NXN: variants seen among roughly 807,000 people sequenced by gnomAD.
NXN encodes the protein nucleoredoxin 1.
A neutral mutation model predicts 48.6 loss-of-function variants in NXN; 16 were observed. The ratio of observed to expected loss-of-function variants is 0.33; its 90% CI spans 0.22 to 0.50. NXN has a LOEUF of 0.50. Among genes scored for constraint, NXN ranks in the 20% least tolerant of loss-of-function variants. The pLI, the probability that NXN is intolerant of heterozygous loss-of-function variation, is 0.98. For missense variants in NXN, 492 were observed against 605.5 expected (o/e 0.81, Z 1.97); for synonymous variants, 281 against 269.6 (o/e 1.04, Z -0.41).
At chr17:947,674 A>C (rs1416087296) in intron 1 of NXN, among the ~76,000 whole-genome samples, 2 of 145,532 alleles carry the variant, frequency 1.4e-5, no homozygotes, top group Admixed American at 1.4e-4. Context: ...CAGGGGTTGC[A>C]GTGAGCCGAG....
chr17:878,144 G>A (rs1005311846), intron 1 of NXN: 3 of 152,140 alleles, frequency 2.0e-5, no homozygotes, highest in African/African-American at 7.2e-5. Context: ...CGTGGGGGCA[G>A]GCTTCTGAGA....
chr17:901,904 T>C (rs543577653), intron 1 of NXN, among the ~76,000 whole-genome samples: 15 of 152,242 alleles, frequency 9.9e-5, no homozygotes, highest in African/African-American at 3.4e-4. Flanking sequence ...TTCGCCATGA[T>C]GGCCAGGCTG....
At chr17:912,818 G>C (rs1354472378) in intron 1 of NXN, among the ~76,000 whole-genome samples, 1 of 152,092 alleles carries the variant, frequency 6.6e-6, no homozygotes, top group Non-Finnish European at 1.5e-5. Flanking sequence ...GCCGGGCGTG[G>C]TGGTACGTGT....
At chr17:864,012 T>C in intron 1 of NXN, 23 of 1,535,168 alleles carry the variant, frequency 1.5e-5, no homozygotes, top group Non-Finnish European at 2.0e-5. Context: ...AGGACACAGT[T>C]ACCGTTGCTG....
chr17:870,723 C>CA (rs1435890848), intron 1 of NXN, among the ~76,000 whole-genome samples: 1 of 149,940 alleles, frequency 6.7e-6, no homozygotes, highest in Admixed American at 6.7e-5. Context: ...CTACTGTATT[C>CA]AAGCCTGGGC....
intron 5 of NXN, among the ~76,000 whole-genome samples, chr17:814,782 TAGGG>T (rs1319719845): frequency 4.7e-5 from 7 of 150,116 alleles, no homozygotes; most frequent in East Asian, 2.1e-4. Flanking sequence ...TCCCAGCACT[TAGGG>T]AGGAATTTCA....
At chr17:848,048 G>C (rs1275544968) in intron 1 of NXN, among the ~76,000 whole-genome samples, 2 of 152,150 alleles carry the variant, frequency 1.3e-5, no homozygotes, top group Admixed American at 6.5e-5. Context: ...GAAACACTAC[G>C]AATTAAGCAG....
Position 800,753 on chromosome 17 carries a change from G to T in NXN, c.*196C>A, listed in dbSNP as rs1349140807. On this transcript the variant is annotated 3_prime_UTR_variant, in exon 8 of 8. Coordinates refer to ENST00000336868, the MANE Select transcript of NXN (RefSeq NM_022463.5). ...CTCCCAAACAGAGTCTCCAAACACG[G>T]TGGACTCTGCCGCTGCTGATTCCAC... 4.0e-5 allele frequency: 16 copies of T among 404,358 alleles called. No homozygotes were observed. The highest frequency in any genetic ancestry group is 7.0e-5 in the Non-Finnish European group (16 of 230,092). The allele number at this position is 404,358 out of a possible 1,614,324, so 25.0% of individuals were successfully genotyped here. A position where few individuals can be genotyped will look rare whatever the true frequency, so the allele number is the denominator to read the frequency against.
At chr17:897,647 T>C (rs1289619611) in intron 1 of NXN, among the ~76,000 whole-genome samples, 2 of 152,038 alleles carry the variant, frequency 1.3e-5, no homozygotes, top group South Asian at 2.1e-4. Context: ...AACTCTGTGT[T>C]AAATGAATTC....
intron 1 of NXN, among the ~76,000 whole-genome samples, chr17:945,757 A>C (rs1031393179): frequency 2.0e-5 from 3 of 152,088 alleles, no homozygotes; most frequent in African/African-American, 7.2e-5. Context: ...TTCAGTGGAG[A>C]TGTCCAAAGC....
At chr17:806,834 T>C (rs1911562435) in intron 5 of NXN, among the ~76,000 whole-genome samples, 1 of 152,156 alleles carries the variant, frequency 6.6e-6, no homozygotes, top group African/African-American at 2.4e-5. Flanking sequence ...TTCACACCTA[T>C]GAGACAAAGT....
chr17:946,777 T>G (rs1369370458), intron 1 of NXN, among the ~76,000 whole-genome samples: 1 of 152,186 alleles, frequency 6.6e-6, no homozygotes, highest in Non-Finnish European at 1.5e-5. Context: ...GGCCTCAGTG[T>G]CCTCACCTGG....
In NXN at chr17:965,056, T is replaced by C. The variant is rs138211778; in HGVS notation, c.360+14263A>G. ...ACAAGCTCTGCGCCTTCTGGACAAATGGGGGACTCTCAACCGCACACTGAC... is the reference window on the plus strand; with the variant it reads ...ACAAGCTCTGCGCCTTCTGGACAAACGGGGGACTCTCAACCGCACACTGAC... On this transcript the variant is annotated intron_variant, in intron 1 of 7. Coordinates refer to ENST00000336868, the MANE Select transcript of NXN (RefSeq NM_022463.5). Among the ~76,000 whole-genome samples the C allele has an allele frequency of 9.2e-5, 14 of 152,174 alleles. No homozygotes were observed. The East Asian group carries it at 2.7e-3, about 29-fold the overall frequency.
intron 1 of NXN, among the ~76,000 whole-genome samples, chr17:924,558 A>G (rs1227115343): frequency 6.6e-6 from 1 of 152,184 alleles, no homozygotes; most frequent in African/African-American, 2.4e-5. Context: ...TGTTGTTGTG[A>G]TAGAACATAC....
chr17:937,573 C>T (rs2068921056), intron 1 of NXN, among the ~76,000 whole-genome samples: 1 of 152,198 alleles, frequency 6.6e-6, no homozygotes, highest in African/African-American at 2.4e-5. Flanking sequence ...CCGGTTCAAG[C>T]TCGTTTCCTT....
chr17:857,888 A>G (rs995037641), intron 1 of NXN, among the ~76,000 whole-genome samples: 1 of 151,276 alleles, frequency 6.6e-6, no homozygotes, highest in Non-Finnish European at 1.5e-5. Context: ...TTACTTTAAG[A>G]GAAGAGTCTT....
intron 1 of NXN, among the ~76,000 whole-genome samples, chr17:975,037 C>CTGG (rs1159931626): frequency 6.6e-6 from 1 of 152,060 alleles, no homozygotes; most frequent in Non-Finnish European, 1.5e-5. Context: ...GTTGCCCAGG[C>CTGG]TGGTCTCAAA....
chr17:866,442 G>A lies in NXN; in HGVS notation c.361-40364C>T, dbSNP rs1033293964. The stretch of plus-strand genomic sequence containing the variant: ...TACAAAAAATACAAAAGTTGGTGGC[G>A]GGCGCCTGTAGTCTCAGGTACTCGG... On this transcript the variant is annotated intron_variant, in intron 1 of 7. Coordinates refer to ENST00000336868, the MANE Select transcript of NXN (RefSeq NM_022463.5). Among the ~76,000 whole-genome samples, 12 of 152,012 alleles carry A rather than the reference G, an allele frequency of 7.9e-5. No individual in the cohort carries two copies. In the South Asian group the frequency reaches 8.3e-4, roughly 11 times the overall value.
intron 1 of NXN, among the ~76,000 whole-genome samples, chr17:839,399 C>T (rs2144699270): frequency 6.6e-6 from 1 of 152,168 alleles, no homozygotes; most frequent in East Asian, 1.9e-4. Context: ...CACACCACTG[C>T]ACTCCAGCCC....
Sources: gnomAD v4.1 joint callset for allele counts (sites outside exome capture counted in the v4.1 genomes callset) on GRCh38, gnomAD v4.1.1 for gene constraint, MANE v1.5 for transcripts, NCBI Gene and HGNC (gene_info 2026-07-23, HGNC 2026-07-21) for gene names.